The following NPIPB9 variants were observed in gnomAD, a reference collection of about 807,000 sequenced individuals.
The protein encoded by NPIPB9 is nuclear pore complex-interacting protein family member B9.
NPIPB9 carries 1 observed loss-of-function variant against 5.6 expected under a neutral mutation model. The observed-to-expected ratio is 0.18, with a 90% CI of 0.06 to 0.84. The LOEUF is 0.84. Ranked by LOEUF, NPIPB9 falls within the 40% of genes least tolerant of loss-of-function variation. NPIPB9 has a pLI of 0.70. For synonymous variants in NPIPB9, 2 were observed against 12.5 expected (o/e 0.16, Z 1.77); for missense variants, 3 against 39.1 (o/e 0.08, Z 2.46).
intron 5 of NPIPB9, among the ~76,000 whole-genome samples, chr16:28,767,025 CTT>C (rs1160796264): frequency 1.5e-4 from 6 of 39,506 alleles, no homozygotes; most frequent in Admixed American, 3.1e-4. Flanking sequence ...CACACCCAGG[CTT>C]TTTTTTTTTT....
chr16:28,758,512 A>ACTCCCCCC (rs2048924523), intron 2 of NPIPB9: 1 of 31,738 alleles, frequency 3.2e-5, no homozygotes, highest in African/African-American at 1.8e-4. Flanking sequence ...CCCTTCCCTT[A>ACTCCCCCC]CTTCCCCCCT....
At chr16:28,756,297 C>G (rs3986682) in intron 1 of NPIPB9, among the ~76,000 whole-genome samples, 32 of 131,242 alleles carry the variant, frequency 2.4e-4, no homozygotes, top group African/African-American at 8.0e-4. Flanking sequence ...CTCCGCCTCC[C>G]GGGTCCAAGG....
chr16:28,765,722 TGTG>T (rs1410504769), intron 3 of NPIPB9, among the ~76,000 whole-genome samples: 1 of 4,654 alleles, frequency 2.1e-4, no homozygotes, highest in Non-Finnish European at 5.0e-4. Context: ...ATGTCATTCT[TGTG>T]TGTGTGTGTG....
At chr16:28,769,698 G>T (rs1265526184) in intron 5 of NPIPB9, 1 of 867,808 alleles carries the variant, frequency 1.2e-6, no homozygotes, top group Non-Finnish European at 1.4e-6. Flanking sequence ...TCGTGAGAGA[G>T]AGCGAGAGAG....
Position 28,767,230 on chromosome 16 carries a change from C to G in NPIPB9, c.590+741C>G, listed in dbSNP as rs1298170741. Among the ~76,000 whole-genome samples, 2 of 91,752 alleles carry G rather than the reference C, an allele frequency of 2.2e-5. 1 individual carries two copies. Among genetic ancestry groups the G allele is most frequent in the Non-Finnish European group, 4.7e-5 (2 of 42,152 alleles). 60.2% of individuals were successfully genotyped at this position (91,752 alleles called of 152,430 possible). The stretch of plus-strand genomic sequence containing the variant: ...TTTTTTTTTGAGACAGAGTCTCACT[C>G]TGTCACCCAGGCTAGAGTGCAGTGG... On this transcript the variant is annotated intron_variant, in intron 5 of 7. Coordinates refer to ENST00000550983, the Ensembl canonical transcript of NPIPB9.
chr16:28,765,372 G>C (rs2049133781), intron 3 of NPIPB9, among the ~76,000 whole-genome samples: 2 of 34,096 alleles, frequency 5.9e-5, no homozygotes, highest in South Asian at 1.4e-3. Context: ...AAAGTGCTGG[G>C]ATTATAGGCG....
chr16:28,752,508 C>G, exon 1 of NPIPB9: 1 of 1,408,970 alleles, frequency 7.1e-7, no homozygotes, highest in Non-Finnish European at 9.7e-7. Context: ...CCCCACAGTT[C>G]CTGTCGCATG....
intron 1 of NPIPB9, among the ~76,000 whole-genome samples, chr16:28,754,965 T>C (rs201551367): frequency 0.055 from 5,968 of 108,574 alleles, 17 homozygotes; most frequent in East Asian, 0.15. Flanking sequence ...CATATGATAG[T>C]TTTGAGGATG....
chr16:28,754,808 T>C (rs1383035726), intron 1 of NPIPB9, among the ~76,000 whole-genome samples: 1 of 142,962 alleles, frequency 7.0e-6, no homozygotes, highest in African/African-American at 2.5e-5. Flanking sequence ...CAGGTGGAGT[T>C]TGTCCCAGAG....
At chr16:28,752,550 G>T (rs778034694) in exon 1 of NPIPB9, 2 of 1,371,596 alleles carry the variant, frequency 1.5e-6, no homozygotes, top group Non-Finnish European at 2.0e-6. Context: ...AGCTGCAGCA[G>T]CATGTAAAGT....
chr16:28,765,388 T>C (rs2049136443), intron 3 of NPIPB9, among the ~76,000 whole-genome samples: 1 of 44,504 alleles, frequency 2.2e-5, no homozygotes, highest in Non-Finnish European at 4.0e-5. Context: ...AGGCGTGAGC[T>C]ACCGCACCTG....
chr16:28,770,122 TTTTTTG>T (rs1353639278), intron 5 of NPIPB9, among the ~76,000 whole-genome samples: 1 of 118,688 alleles, frequency 8.4e-6, no homozygotes, highest in Non-Finnish European at 1.9e-5. Context: ...ACCGTACAGT[TTTTTTG>T]TTTTTGTTTT....
At chr16:28,756,175 A>C (rs1282810735) in intron 1 of NPIPB9, among the ~76,000 whole-genome samples, 1 of 92,776 alleles carries the variant, frequency 1.1e-5, no homozygotes, top group Non-Finnish European at 2.5e-5. Flanking sequence ...TTTACAACCA[A>C]CACAACCGAA....
At chr16:28,765,403 A>AT (rs1206825669) in intron 3 of NPIPB9, among the ~76,000 whole-genome samples, 160 of 34,236 alleles carry the variant, frequency 4.7e-3, no homozygotes, top group East Asian at 9.3e-3. Context: ...CACCTGGGCT[A>AT]TTTTTTTTTT....
chr16:28,771,255 T>C lies in NPIPB9; in HGVS notation c.687+462T>C. 2.2e-5 allele frequency: 9 copies of C among 412,472 alleles called. 4 individuals are homozygous for C. Among genetic ancestry groups the C allele is most frequent in the Non-Finnish European group, 2.5e-5 (9 of 366,342 alleles). The allele number at this position is 412,472 out of a possible 1,614,324, so 25.6% of individuals were successfully genotyped here. A position where few individuals can be genotyped will look rare whatever the true frequency, so the allele number is the denominator to read the frequency against. ...TGCTTTGTTTAGAATTTCCACCTCA[T>C]TTTTCCATGGACAAAAGTATTCTTT... On this transcript the variant is annotated intron_variant, in intron 7 of 7. Transcript: ENST00000550983.
In NPIPB9 at chr16:28,761,879, TC is replaced by T. The variant is rs1322740098; in HGVS notation, c.112-370del. On this transcript the variant is annotated intron_variant, in intron 2 of 7. Transcript: ENST00000550983. ...CGACTGAGTGGAGCGGAACTCTGTC[TC>T]CAAAAAAAAAAAAAAAAGAGTTTTT... is the stretch of plus-strand genomic sequence containing the variant. Among the ~76,000 whole-genome samples the T allele has an allele frequency of 1.4e-4, 2 of 14,480 alleles. 1 individual carries two copies. The highest frequency in any genetic ancestry group is 2.2e-4 in the Non-Finnish European group (2 of 8,912). 9.5% of individuals were successfully genotyped at this position (14,480 alleles called of 152,430 possible).
chr16:28,760,337 T>TC (rs2049030666), intron 2 of NPIPB9, among the ~76,000 whole-genome samples: 1 of 53,906 alleles, frequency 1.9e-5, no homozygotes, highest in Non-Finnish European at 3.8e-5. Context: ...TTTTTTTTTT[T>TC]TTTTTTGAGA....
chr16:28,765,721 TTGTGTGTGTG>T (rs761146509), intron 3 of NPIPB9, among the ~76,000 whole-genome samples: 15 of 38,034 alleles, frequency 3.9e-4, no homozygotes, highest in Non-Finnish European at 5.8e-4. Flanking sequence ...CATGTCATTC[TTGTGTGTGTG>T]TGTGTGTGTG....
At chr16:28,758,545 TCCCC>T (rs1200783527) in intron 2 of NPIPB9, 1 of 7,884 alleles carries the variant, frequency 1.3e-4, no homozygotes, top group Admixed American at 1.7e-3. Context: ...CCCCTTCCCC[TCCCC>T]CTCCCCTTCC....
Sources: gnomAD v4.1 joint callset for allele counts (sites outside exome capture counted in the v4.1 genomes callset) on GRCh38, gnomAD v4.1.1 for gene constraint, MANE v1.5 for transcripts, NCBI Gene and HGNC (gene_info 2026-07-23, HGNC 2026-07-21) for gene names.